Variants in LUZP2 observed in about 807,000 individuals in gnomAD.
LUZP2 encodes the protein leucine zipper protein 2.
A neutral mutation model predicts 51.6 loss-of-function variants in LUZP2; 52 were observed. That is an observed-to-expected ratio of 1.01 (90% CI 0.81 to 1.27). LUZP2 has a LOEUF of 1.27. Among genes scored for constraint, LUZP2 ranks in the 50% most tolerant of loss-of-function variants. LUZP2 has a pLI of 0.00. For missense variants in LUZP2, 436 were observed against 395.4 expected, an observed-to-expected ratio of 1.10 and a Z score of -0.87; for synonymous variants, 154 against 137.3, an observed-to-expected ratio of 1.12 and a Z score of -0.85.
At chr11:24,879,278 A>G (rs1476378145) in intron 5 of LUZP2, among the ~76,000 whole-genome samples, 2 of 152,128 alleles carry the variant, frequency 1.3e-5, no homozygotes, top group Non-Finnish European at 2.9e-5. Context: ...GTAGTATTCC[A>G]TGGTGTATAT....
intron 1 of LUZP2, among the ~76,000 whole-genome samples, chr11:24,726,113 A>G (rs899731405): frequency 1.3e-5 from 2 of 152,202 alleles, no homozygotes; most frequent in African/African-American, 2.4e-5. Flanking sequence ...TAGAAAACTA[A>G]TAAGTAACTA....
chr11:25,000,207 C>G (rs1002785827), intron 9 of LUZP2, among the ~76,000 whole-genome samples: 5 of 152,114 alleles, frequency 3.3e-5, no homozygotes, highest in African/African-American at 1.2e-4. Flanking sequence ...CTGATTGGTG[C>G]ATTTACAATA....
chr11:24,755,005 G>A (rs1310466426), intron 4 of LUZP2, among the ~76,000 whole-genome samples: 1 of 151,980 alleles, frequency 6.6e-6, no homozygotes, highest in Non-Finnish European at 1.5e-5. Flanking sequence ...ATTTAGCTGG[G>A]CATAGTGGCG....
chr11:25,057,525 C>T (rs1318969604), intron 10 of LUZP2, among the ~76,000 whole-genome samples: 1 of 152,090 alleles, frequency 6.6e-6, no homozygotes. Flanking sequence ...TGTGTCTACT[C>T]CATCCCATTT....
rs1021817952 is a variant in LUZP2 at position 24,696,046 on chromosome 11, C to T, written c.63-33123C>T. ...CAGAAACTTCTAGAACTGTGAAGAG[C>T]TTATATTTGGGAAGGACAGTAATAG... On this transcript the variant is annotated intron_variant, in intron 1 of 11. Transcript: ENST00000336930. Among the ~76,000 whole-genome samples, 5 of 151,926 alleles carry T rather than the reference C, an allele frequency of 3.3e-5. No individual in the cohort carries two copies. The South Asian group carries it at 8.3e-4, about 25-fold the overall frequency.
At chr11:24,604,692 T>A (rs1853853950) in intron 1 of LUZP2, among the ~76,000 whole-genome samples, 1 of 151,816 alleles carries the variant, frequency 6.6e-6, no homozygotes, top group Non-Finnish European at 1.5e-5. Context: ...CTTTACAGTC[T>A]TTTAGTTATC....
At chr11:24,957,930 T>G (rs1347822679) in intron 7 of LUZP2, among the ~76,000 whole-genome samples, 1 of 151,516 alleles carries the variant, frequency 6.6e-6, no homozygotes, top group Non-Finnish European at 1.5e-5. Context: ...GTCCCCAGAG[T>G]GTGATGTTCC....
At chr11:24,836,034 A>G (rs1850851200) in intron 5 of LUZP2, among the ~76,000 whole-genome samples, 1 of 151,968 alleles carries the variant, frequency 6.6e-6, no homozygotes, top group African/African-American at 2.4e-5. Flanking sequence ...CCAGTATTTC[A>G]GTGGTTAATA....
chr11:24,911,527 G>A (rs1437406055), intron 6 of LUZP2, among the ~76,000 whole-genome samples: 7 of 152,048 alleles, frequency 4.6e-5, no homozygotes, highest in Admixed American at 4.6e-4. Context: ...TAAGCATCTG[G>A]CATTTCCCCT....
chr11:24,659,470 A>G (rs1855939821), intron 1 of LUZP2, among the ~76,000 whole-genome samples: 1 of 152,130 alleles, frequency 6.6e-6, no homozygotes, highest in Non-Finnish European at 1.5e-5. Context: ...ACCTAATGCT[A>G]AATGACGAGT....
chr11:24,568,395 A>G (rs1371891795), intron 1 of LUZP2, among the ~76,000 whole-genome samples: 1 of 151,738 alleles, frequency 6.6e-6, no homozygotes, highest in Non-Finnish European at 1.5e-5. Flanking sequence ...TTATATTAAC[A>G]TGAGACAAAA....
intron 7 of LUZP2, among the ~76,000 whole-genome samples, chr11:24,923,401 C>T (rs1854133164): frequency 6.6e-6 from 1 of 151,784 alleles, no homozygotes; most frequent in African/African-American, 2.4e-5. Flanking sequence ...GCCATAGCTA[C>T]AAAGACAGGA....
At chr11:24,721,743 C>G (rs1345257898) in intron 1 of LUZP2, among the ~76,000 whole-genome samples, 2 of 152,076 alleles carry the variant, frequency 1.3e-5, no homozygotes, top group East Asian at 1.9e-4. Flanking sequence ...TATAGTCACC[C>G]AAAACCCAAA....
intron 9 of LUZP2, among the ~76,000 whole-genome samples, chr11:25,025,897 T>C (rs777986867): frequency 2.6e-5 from 4 of 152,154 alleles, no homozygotes; most frequent in African/African-American, 4.8e-5. Context: ...CCAACCCAAA[T>C]GTCCATCAGT....
At chr11:24,771,285 T>C (rs561697272) in intron 5 of LUZP2, among the ~76,000 whole-genome samples, 96 of 151,134 alleles carry the variant, frequency 6.4e-4, no homozygotes, top group African/African-American at 1.9e-3. Flanking sequence ...CAGTAGGTCA[T>C]CATTGAAGGC....
chr11:24,527,807 T>C (rs894802466), intron 1 of LUZP2, among the ~76,000 whole-genome samples: 1 of 151,346 alleles, frequency 6.6e-6, no homozygotes, highest in Non-Finnish European at 1.5e-5. Flanking sequence ...AATGCTTTAC[T>C]CTCCTTTAAA....
At chr11:24,744,399 T>A (rs978827346) in intron 4 of LUZP2, among the ~76,000 whole-genome samples, 20 of 152,134 alleles carry the variant, frequency 1.3e-4, no homozygotes, top group African/African-American at 4.8e-4. Context: ...TTGTTATTGG[T>A]CTGTTTGTGG....
intron 1 of LUZP2, among the ~76,000 whole-genome samples, chr11:24,566,326 A>ATTTTTTTTTT (rs869144004): frequency 2.2e-5 from 2 of 93,002 alleles, no homozygotes; most frequent in East Asian, 5.2e-4. Context: ...TTATTTATTT[A>ATTTTTTTTTT]TTTTTTTTTT....
intron 1 of LUZP2, among the ~76,000 whole-genome samples, chr11:24,529,492 A>C (rs951805118): frequency 2.0e-5 from 3 of 150,896 alleles, no homozygotes; most frequent in African/African-American, 7.3e-5. Context: ...ATCACATTAG[A>C]GTATAAATAC....
Sources: gnomAD v4.1 joint callset for allele counts (sites outside exome capture counted in the v4.1 genomes callset) on GRCh38, gnomAD v4.1.1 for gene constraint, MANE v1.5 for transcripts, NCBI Gene and HGNC (gene_info 2026-07-23, HGNC 2026-07-21) for gene names.